NTNG1: variants seen among roughly 807,000 people sequenced by gnomAD.
NTNG1 encodes the protein netrin G1, also known as netrin-G1.
NTNG1 carries 16 observed loss-of-function variants against 54.0 expected under a neutral mutation model. That is an observed-to-expected ratio of 0.30 (90% confidence interval 0.20 to 0.45). The LOEUF (loss-of-function observed/expected upper bound fraction) is 0.45, where lower values mean the gene tolerates loss of function less well. NTNG1 is among the 20% of genes least tolerant of loss of function. The pLI, the probability that NTNG1 is intolerant of heterozygous loss-of-function variation, is 1.00. For synonymous variants in NTNG1, 255 were observed against 263.1 expected, an observed-to-expected ratio of 0.97 and a Z score of 0.30; for missense variants, 530 against 678.7, an observed-to-expected ratio of 0.78 and a Z score of 2.43.
At chr1:107,371,193 GT>G (rs1670902165) in intron 3 of NTNG1, among the ~76,000 whole-genome samples, 1 of 152,032 alleles carries the variant, frequency 6.6e-6, no homozygotes, top group Non-Finnish European at 1.5e-5. Context: ...TTTGCTAAAT[GT>G]TTTTTGTGTG....
intron 2 of NTNG1, among the ~76,000 whole-genome samples, chr1:107,309,265 C>T (rs1354299671): frequency 6.6e-6 from 1 of 152,130 alleles, no homozygotes; most frequent in East Asian, 1.9e-4. Flanking sequence ...CTTTCTGGCT[C>T]ACAATAGGGT....
At chr1:107,445,341 T>G (rs1458447456) in intron 7 of NTNG1, among the ~76,000 whole-genome samples, 3 of 152,160 alleles carry the variant, frequency 2.0e-5, no homozygotes, top group Non-Finnish European at 4.4e-5. Flanking sequence ...CTTCTTGGTC[T>G]GAAATTCTGT....
At chr1:107,347,200 C>T (rs962902277) in intron 3 of NTNG1, among the ~76,000 whole-genome samples, 4 of 152,222 alleles carry the variant, frequency 2.6e-5, no homozygotes, top group South Asian at 4.2e-4. Flanking sequence ...ATAGTTTCCA[C>T]GTCAGTAAAG....
intron 7 of NTNG1, among the ~76,000 whole-genome samples, chr1:107,464,560 G>A (rs532990914): frequency 7.2e-5 from 11 of 152,210 alleles, no homozygotes; most frequent in South Asian, 6.3e-4. Flanking sequence ...AGGCTTGCAC[G>A]GAACAACAAG....
intron 3 of NTNG1, among the ~76,000 whole-genome samples, chr1:107,350,119 G>A (rs945764011): frequency 2.6e-5 from 4 of 151,922 alleles, no homozygotes; most frequent in African/African-American, 9.7e-5. Context: ...AATAAGTTGT[G>A]GTTCTGATTA....
intron 2 of NTNG1, among the ~76,000 whole-genome samples, chr1:107,183,176 T>C (rs1657199399): frequency 6.6e-6 from 1 of 152,182 alleles, no homozygotes; most frequent in South Asian, 2.1e-4. Context: ...GGGCACCCCC[T>C]ACCTTAACTG....
In NTNG1 at chr1:107,480,692, C is replaced by T; in HGVS notation, c.1472C>T (p.Ala491Val). ...HNNVRCLCPA[A>V]YTGILCEKLR... is the part of the protein sequence containing the mutation. ...AACGTGCGCTGCCTGTGCCCGGCCGCATACACGGGCATCCTCTGCGAGAAG... is the reference window on the plus strand; with the variant it reads ...AACGTGCGCTGCCTGTGCCCGGCCGTATACACGGGCATCCTCTGCGAGAAG... Residue 491 changes from alanine (A) to valine (V), a missense_variant, in exon 8 of 8, where the codon GCA (alanine) becomes GTA (valine). Physicochemically the swap from Ala to Val is moderately conservative, Grantham distance 64. Around this residue, in one of 2 missense-constraint regions of NTNG1, gnomAD observed 212 missense variants for 213.6 expected, o/e 0.99. Transcript: ENST00000370068. The T allele has an allele frequency of 1.2e-6, 2 of 1,611,122 alleles. No individual in the cohort carries two copies. Among genetic ancestry groups the T allele is most frequent in the Non-Finnish European group, 1.7e-6 (2 of 1,179,206 alleles).
Position 107,310,119 on chromosome 1 carries a change from A to G in NTNG1, c.247-14163A>G, listed in dbSNP as rs183917609. ...TTCCTTCTCCATTTCAAAAAAGAGA[A>G]TGTGGTTCACTTATGCAAATATGAC... On this transcript the variant is annotated intron_variant, in intron 2 of 7. Coordinates refer to ENST00000370068, the MANE Select transcript of NTNG1 (RefSeq NM_001113226.3). Among the ~76,000 whole-genome samples the G allele has an allele frequency of 1.3e-3, 198 of 152,272 alleles. 1 individual carries two copies. The highest frequency in any genetic ancestry group is 4.6e-3 in the African/African-American group (193 of 41,576).
chr1:107,183,886 C>G (rs1414357683), intron 2 of NTNG1, among the ~76,000 whole-genome samples: 3 of 152,096 alleles, frequency 2.0e-5, no homozygotes, highest in African/African-American at 7.2e-5. Flanking sequence ...AAGCCAAAAA[C>G]TAGTAGTCCT....
At chr1:107,254,267 C>T (rs376407930) in intron 2 of NTNG1, among the ~76,000 whole-genome samples, 1 of 152,154 alleles carries the variant, frequency 6.6e-6, no homozygotes, top group South Asian at 2.1e-4. Context: ...TGAGTTAATA[C>T]GAACTATACA....
chr1:107,386,646 C>T (rs1033274356), intron 3 of NTNG1, among the ~76,000 whole-genome samples: 1 of 152,112 alleles, frequency 6.6e-6, no homozygotes, highest in Non-Finnish European at 1.5e-5. Flanking sequence ...AGTTGATGGA[C>T]ATTGGGTTGT....
chr1:107,154,884 T>G (rs1337523321), intron 2 of NTNG1, among the ~76,000 whole-genome samples: 1 of 152,012 alleles, frequency 6.6e-6, no homozygotes. Flanking sequence ...AACTCCAATT[T>G]CACGTTAAGA....
chr1:107,370,634 TC>T (rs1251012360), intron 3 of NTNG1, among the ~76,000 whole-genome samples: 1 of 152,024 alleles, frequency 6.6e-6, no homozygotes, highest in East Asian at 1.9e-4. Context: ...CTGAGTCACT[TC>T]ACTTAGAATA....
intron 7 of NTNG1, among the ~76,000 whole-genome samples, chr1:107,440,894 A>C (rs1381885945): frequency 6.6e-6 from 1 of 152,134 alleles, no homozygotes; most frequent in Non-Finnish European, 1.5e-5. Flanking sequence ...AACACTTCTA[A>C]ACCACTAGAA....
At chr1:107,449,722 A>AG (rs1405860591) in intron 7 of NTNG1, among the ~76,000 whole-genome samples, 3 of 149,584 alleles carry the variant, frequency 2.0e-5, no homozygotes, top group Admixed American at 1.3e-4. Context: ...TGCTGGATTA[A>AG]AAAAAAAAAA....
At chr1:107,194,230 G>A (rs1658161346) in intron 2 of NTNG1, among the ~76,000 whole-genome samples, 2 of 151,912 alleles carry the variant, frequency 1.3e-5, no homozygotes, top group East Asian at 1.9e-4. Context: ...TTCCAAAGCT[G>A]TTTGGAACAA....
At chr1:107,325,704 A>G (rs1290302140) in intron 3 of NTNG1, among the ~76,000 whole-genome samples, 1 of 152,104 alleles carries the variant, frequency 6.6e-6, no homozygotes, top group African/African-American at 2.4e-5. Context: ...ATTTTCAACC[A>G]GCTTTTTAAG....
intron 7 of NTNG1, among the ~76,000 whole-genome samples, chr1:107,476,757 C>T (rs1678358978): frequency 6.6e-6 from 1 of 152,266 alleles, no homozygotes; most frequent in Admixed American, 6.5e-5. Context: ...TTAAACACCA[C>T]CCTCCTTCTA....
chr1:107,458,050 T>C (rs1430771924), intron 7 of NTNG1, among the ~76,000 whole-genome samples: 2 of 152,170 alleles, frequency 1.3e-5, no homozygotes, highest in Non-Finnish European at 2.9e-5. Flanking sequence ...AGTGCAGATA[T>C]ATTCAATTCC....
Sources: allele counts gnomAD v4.1 joint callset (sites outside exome capture counted in the v4.1 genomes callset), GRCh38; gene constraint gnomAD v4.1.1; regional missense constraint gnomAD v4.1.1; transcripts MANE v1.5; gene names NCBI Gene and HGNC (gene_info 2026-07-23, HGNC 2026-07-21).